The following LONRF1 variants were observed in gnomAD, a reference collection of about 807,000 sequenced individuals.
LONRF1 encodes the protein LON peptidase N-terminal domain and ring finger 1.
A neutral mutation model predicts 85.8 loss-of-function variants in LONRF1; 37 were observed. That is an observed-to-expected ratio of 0.43 (90% CI 0.33 to 0.57). The LOEUF (loss-of-function observed/expected upper bound fraction) is 0.57. LONRF1 is among the 20% of genes least tolerant of loss of function. The pLI is 0.04. For synonymous variants in LONRF1, 517 were observed against 390.1 expected, an observed-to-expected ratio of 1.33 and a Z score of -3.83; for missense variants, 1,036 against 978.0, an observed-to-expected ratio of 1.06 and a Z score of -0.79.
intron 7 of LONRF1, among the ~76,000 whole-genome samples, chr8:12,734,122 G>C (rs1798631161): frequency 6.6e-6 from 1 of 152,036 alleles, no homozygotes; most frequent in Admixed American, 6.6e-5. Flanking sequence ...AATGAAGTCT[G>C]GAAAAATAGC....
At chr8:12,730,165 A>G (rs1798473515) in intron 8 of LONRF1, among the ~76,000 whole-genome samples, 2 of 152,262 alleles carry the variant, frequency 1.3e-5, no homozygotes, top group African/African-American at 4.8e-5. Context: ...ATTATGGTAC[A>G]TCCATAAAAC....
At chr8:12,748,799 G>C (rs1799264792) in intron 1 of LONRF1, among the ~76,000 whole-genome samples, 1 of 104,776 alleles carries the variant, frequency 9.5e-6, no homozygotes, top group Non-Finnish European at 1.9e-5. Flanking sequence ...AGGCTAACCA[G>C]AATATCAATT....
chr8:12,735,580 T>A lies in LONRF1; in HGVS notation c.1452-180A>T, dbSNP rs546773336. On this transcript the variant is annotated intron_variant, in intron 6 of 11. Transcript: ENST00000398246. ...CCATACCCTCCAGAATGTTTTAAAA[T>A]TCTCCATCAACAAAGGCCTCCTGCC... 1.1e-4 allele frequency: 60 copies of A among 554,050 alleles called. No individual in the cohort carries two copies. In the East Asian group the frequency reaches 1.7e-3, roughly 16 times the overall value. The allele number at this position is 554,050 out of a possible 1,614,324, so 34.3% of individuals were successfully genotyped here.
chr8:12,737,832 A>T (rs916339808), intron 4 of LONRF1, among the ~76,000 whole-genome samples, 163 bp downstream of exon 4: 1 of 152,234 alleles, frequency 6.6e-6, no homozygotes, highest in Non-Finnish European at 1.5e-5. Context: ...TACATAAAAG[A>T]TTTTAGTGTA....
chr8:12,738,729 G>T (rs142788084), intron 3 of LONRF1: 1 of 152,180 alleles, frequency 6.6e-6, no homozygotes, highest in Non-Finnish European at 1.5e-5. Context: ...GACAGCTGGA[G>T]AATCAAATTT....
In LONRF1 at chr8:12,736,759, C is replaced by T; in HGVS notation, c.1393G>A (p.Gly465Ser). Residue 465 changes from glycine (G) to serine (S), a missense_variant, in exon 6 of 12, where the codon GGT (glycine) becomes AGT (serine). Transcript: ENST00000398246. ...TCGATTAATTCTTCTGGAATATCACCATAAGCTAAGGAAAACATACAGACT... is the reference window on the plus strand; with the variant it reads ...TCGATTAATTCTTCTGGAATATCACTATAAGCTAAGGAAAACATACAGACT... Reference protein sequence around the residue: ...NEVCMFSLAYGDIPEELIDVS... With the variant: ...NEVCMFSLAYSDIPEELIDVS... The T allele has an allele frequency of 2.5e-6, 4 of 1,611,898 alleles. No homozygotes were observed. The highest frequency in any genetic ancestry group is 2.2e-5 in the South Asian group (2 of 90,622).
chr8:12,737,105 G>C lies in LONRF1; in HGVS notation c.1149C>G (p.Val383=), dbSNP rs773003133. 1.2e-6 allele frequency: 2 copies of C among 1,613,388 alleles called. No individual in the cohort carries two copies. Among genetic ancestry groups the C allele is most frequent in the South Asian group, 2.2e-5 (2 of 91,044 alleles). ...EEIPEVTSEP[V]KGSLNRAQSA... ...ACTGAGCACGGTTTAAGCTTCCTTT[G>C]ACAGGCTCTGAAGTGACCTCTGGTA... Residue 383 remains valine, a synonymous_variant, in exon 5 of 12, where the codon GTC becomes GTG. Coordinates refer to ENST00000398246, the MANE Select transcript of LONRF1 (RefSeq NM_152271.5).
chr8:12,725,125 G>C (rs1798239999), intron 11 of LONRF1, among the ~76,000 whole-genome samples: 1 of 152,188 alleles, frequency 6.6e-6, no homozygotes, highest in Non-Finnish European at 1.5e-5. Context: ...GCCTCCTGCA[G>C]TTTTGCTTGC....
chr8:12,734,776 T>C (rs1399493518), intron 7 of LONRF1, among the ~76,000 whole-genome samples: 1 of 152,200 alleles, frequency 6.6e-6, no homozygotes, highest in Non-Finnish European at 1.5e-5. Context: ...GTAAATATAG[T>C]TCCTCAGTGA....
intron 7 of LONRF1, among the ~76,000 whole-genome samples, chr8:12,732,137 C>G (rs1159215704): frequency 6.6e-6 from 1 of 152,348 alleles, no homozygotes; most frequent in East Asian, 1.9e-4. Flanking sequence ...CCGCAGAGGG[C>G]CCTGCCCTGC....
rs1248407696 is a variant in LONRF1 at position 12,723,152 on chromosome 8, G to A, written c.2266C>T (p.Arg756Trp). 1.9e-6 allele frequency: 3 copies of A among 1,614,056 alleles called. No homozygotes were observed. Among genetic ancestry groups the A allele is most frequent in the Admixed American group, 1.7e-5 (1 of 60,022 alleles). Reference sequence around the variant, plus strand: ...AGTATATGCTGTATCTTGGTCAACCGTTCTTTCAAAGACTTCATTGACAAA... The same window carrying A: ...AGTATATGCTGTATCTTGGTCAACCATTCTTTCAAAGACTTCATTGACAAA... ...SVLSMKSLKE[R>W]LTKIQHILTY... Residue 756 changes from arginine (R) to tryptophan (W), a missense_variant, in exon 12 of 12, where the codon CGG becomes TGG. Physicochemically the swap from Arg to Trp is moderately radical, Grantham distance 101. This residue lies in a region of LONRF1 where 265 missense variants were observed against 301.5 expected (regional missense o/e 0.88). Transcript: ENST00000398246.
chr8:12,754,062 T>G (rs1289187392), intron 1 of LONRF1: 1 of 152,110 alleles, frequency 6.6e-6, no homozygotes, highest in Non-Finnish European at 1.5e-5. Flanking sequence ...CCCGGCGGCC[T>G]GCAGGGCCTC....
chr8:12,723,761 T>C (rs1265203487), intron 11 of LONRF1, among the ~76,000 whole-genome samples: 1 of 152,222 alleles, frequency 6.6e-6, no homozygotes. Flanking sequence ...TTTCTTGAGC[T>C]ATAGATTTAA....
intron 2 of LONRF1, among the ~76,000 whole-genome samples, chr8:12,741,938 A>G (rs1441588897): frequency 1.3e-5 from 2 of 152,208 alleles, no homozygotes; most frequent in East Asian, 3.8e-4. Context: ...CCAACAAAGT[A>G]TCAACTGGTA....
At chr8:12,737,788 G>A (rs1043280245) in intron 4 of LONRF1, among the ~76,000 whole-genome samples, 6 of 152,022 alleles carry the variant, frequency 3.9e-5, no homozygotes, top group Non-Finnish European at 7.4e-5. Flanking sequence ...TTTCTTTCAC[G>A]GGACCTAAAA....
chr8:12,734,333 G>C (rs1421229629), intron 7 of LONRF1, among the ~76,000 whole-genome samples: 1 of 152,138 alleles, frequency 6.6e-6, no homozygotes, highest in Non-Finnish European at 1.5e-5. Flanking sequence ...CATCCGTACT[G>C]AGTTGTTTTC....
At chr8:12,743,080 G>C (rs1799003057) in intron 2 of LONRF1, 84 bp downstream of exon 2, 3 of 880,384 alleles carry the variant, frequency 3.4e-6, no homozygotes, top group African/African-American at 1.7e-5. Context: ...CATCTACTTT[G>C]TTAAAATTCC....
chr8:12,752,797 T>C (rs1163964348), intron 1 of LONRF1, among the ~76,000 whole-genome samples: 2 of 152,216 alleles, frequency 1.3e-5, no homozygotes, highest in Non-Finnish European at 2.9e-5. Context: ...AAACCCCTAA[T>C]TCAAGGTCAG....
intron 3 of LONRF1, among the ~76,000 whole-genome samples, chr8:12,739,747 G>A (rs79571992): frequency 0.015 from 2,254 of 152,212 alleles, 26 homozygotes; most frequent in Non-Finnish European, 0.025. Flanking sequence ...AGGATGTCTG[G>A]CAGCATGCAA....
Sources: gnomAD v4.1 joint callset for allele counts (sites outside exome capture counted in the v4.1 genomes callset) on GRCh38, gnomAD v4.1.1 for gene constraint, gnomAD v4.1.1 regional missense constraint, MANE v1.5 for transcripts, NCBI Gene and HGNC (gene_info 2026-07-23, HGNC 2026-07-21) for gene names.